DMC1: variants seen among roughly 807,000 people sequenced by gnomAD.
DMC1 encodes the protein DNA meiotic recombinase 1, also known as meiotic recombination protein DMC1 homolog.
In DMC1, 27 loss-of-function variants were observed where a neutral mutation model predicts 50.1. The observed-to-expected ratio is 0.54, with a 90% confidence interval of 0.40 to 0.74. The LOEUF (loss-of-function observed/expected upper bound fraction) is 0.74. Among genes scored for constraint, DMC1 ranks in the 30% least tolerant of loss-of-function variants. DMC1 has a pLI of 0.00. For missense variants in DMC1, 295 were observed against 420.2 expected (o/e 0.70, Z 2.60); for synonymous variants, 148 against 136.1 (o/e 1.09, Z -0.61).
At chr22:38,547,254 C>T (rs577632536) in intron 8 of DMC1, among the ~76,000 whole-genome samples, 4 of 151,978 alleles carry the variant, frequency 2.6e-5, no homozygotes, top group Admixed American at 1.3e-4. Context: ...GAACTCCTGG[C>T]CTCAAGTGAT....
chr22:38,555,115 C>T (rs1405465222), intron 6 of DMC1, among the ~76,000 whole-genome samples: 4 of 151,332 alleles, frequency 2.6e-5, no homozygotes, highest in South Asian at 2.1e-4. Context: ...AATCTATTAT[C>T]TTCTATAGGA....
At chr22:38,513,517 T>G in the DMC1 span, among the ~76,000 whole-genome samples, 1 of 152,230 alleles carries the variant, frequency 6.6e-6, no homozygotes, top group African/African-American at 2.4e-5. Context: ...ATCCTTCTCC[T>G]CACCATGATG....
chr22:38,566,881 A>G, intron 3 of DMC1, 145 bp from the exon 4 acceptor site: 1 of 778,524 alleles, frequency 1.3e-6, no homozygotes, highest in Non-Finnish European at 2.2e-6. Flanking sequence ...CCCACCATGT[A>G]GCCAAATGTT....
intron 9 of DMC1, 59 bp from the exon 10 acceptor site, chr22:38,538,671 C>G (rs1378255807): frequency 7.0e-7 from 1 of 1,418,914 alleles, no homozygotes; most frequent in Non-Finnish European, 1.0e-6. Context: ...AGGCTAAGAT[C>G]ATTCATATTC....
intron 11 of DMC1, among the ~76,000 whole-genome samples, chr22:38,538,084 C>T (rs5995590): frequency 0.029 from 4,462 of 151,870 alleles, 209 homozygotes; most frequent in African/African-American, 0.1. Flanking sequence ...GCGGAGGTTG[C>T]AGTGAGCCGA....
At chr22:38,554,443 G>GAA (rs540883900) in intron 6 of DMC1, among the ~76,000 whole-genome samples, 35 of 51,972 alleles carry the variant, frequency 6.7e-4, no homozygotes, top group Non-Finnish European at 7.2e-4. Context: ...CAAGTCAACA[G>GAA]AAAAAAAAAA....
At chr22:38,566,483 T>A (rs1386973576) in intron 4 of DMC1, 107 bp downstream of exon 4, 54 of 1,217,864 alleles carry the variant, frequency 4.4e-5, no homozygotes, top group Non-Finnish European at 5.8e-5. Context: ...TATACTGTGA[T>A]CTACAGGAAC....
chr22:38,559,925 G>A (rs527399411), intron 5 of DMC1, among the ~76,000 whole-genome samples: 5 of 152,046 alleles, frequency 3.3e-5, no homozygotes, highest in Admixed American at 2.0e-4. Context: ...GGCTGAGGCA[G>A]GTGAATCGCT....
rs75643337 is a variant in DMC1, at chr22:38,530,206, A to G, written c.836+7386T>C. On this transcript the variant is annotated intron_variant, in intron 12 of 13. Coordinates refer to ENST00000216024, the MANE Select transcript of DMC1 (RefSeq NM_007068.4). The stretch of plus-strand genomic sequence containing the variant: ...GGTCTCGAACTCCTGACCTCAGGTG[A>G]TCCACCTGCCTCAGCCTCCCAAAGT... Among the ~76,000 whole-genome samples, 29 of 152,050 alleles carry G rather than the reference A, an allele frequency of 1.9e-4. 1 individual carries two copies. In the East Asian group the frequency reaches 5.6e-3, roughly 29 times the overall value.
At chr22:38,533,946 T>G (rs973410024) in intron 12 of DMC1, among the ~76,000 whole-genome samples, 2 of 152,212 alleles carry the variant, frequency 1.3e-5, no homozygotes, top group African/African-American at 4.8e-5. Context: ...TATGTAGTTT[T>G]CCTGTCAAAA....
chr22:38,544,924 G>A (rs1275253005), intron 8 of DMC1, among the ~76,000 whole-genome samples: 6 of 151,006 alleles, frequency 4.0e-5, no homozygotes, highest in South Asian at 2.1e-4. Context: ...GAGCCACTGC[G>A]CCCGGCAGCA....
chr22:38,539,857 A>G (rs11570423), intron 8 of DMC1, among the ~76,000 whole-genome samples: 5 of 152,186 alleles, frequency 3.3e-5, no homozygotes, highest in Admixed American at 3.3e-4. Context: ...GTAATAGATA[A>G]TATCACTGAA....
At chr22:38,534,707 A>G (rs2090191304) in intron 12 of DMC1, among the ~76,000 whole-genome samples, 2 of 150,732 alleles carry the variant, frequency 1.3e-5, no homozygotes, top group South Asian at 4.2e-4. Context: ...TGTCTCAAAA[A>G]ACAAACAAAC....
At chr22:38,550,213 T>G (rs1602750143) in intron 7 of DMC1, among the ~76,000 whole-genome samples, 1 of 152,208 alleles carries the variant, frequency 6.6e-6, no homozygotes, top group East Asian at 1.9e-4. Flanking sequence ...CAACAAATAA[T>G]TTCACTATCT....
intron 8 of DMC1, among the ~76,000 whole-genome samples, chr22:38,546,401 A>C (rs4820336): frequency 0.057 from 8,671 of 151,810 alleles, 387 homozygotes; most frequent in East Asian, 0.2. Context: ...AAAAAAAAAA[A>C]CTCCAAATTG....
At chr22:38,541,857 C>G (rs895906444) in intron 8 of DMC1, among the ~76,000 whole-genome samples, 1 of 151,904 alleles carries the variant, frequency 6.6e-6, no homozygotes, top group Non-Finnish European at 1.5e-5. Flanking sequence ...ATACATTAAA[C>G]AGATCATTCA....
intron 12 of DMC1, among the ~76,000 whole-genome samples, chr22:38,530,418 A>G (rs2090140932): frequency 6.6e-6 from 1 of 152,150 alleles, no homozygotes; most frequent in Non-Finnish European, 1.5e-5. Flanking sequence ...AATATGCAGA[A>G]AAATATACAC....
intron 12 of DMC1, among the ~76,000 whole-genome samples, chr22:38,530,214 G>A (rs1569155668): frequency 2.0e-5 from 3 of 152,014 alleles, no homozygotes; most frequent in South Asian, 4.2e-4. Flanking sequence ...TGATCCACCT[G>A]CCTCAGCCTC....
chr22:38,545,397 C>A (rs957264359), intron 8 of DMC1, among the ~76,000 whole-genome samples: 5 of 152,070 alleles, frequency 3.3e-5, no homozygotes, highest in Admixed American at 3.3e-4. Context: ...GGCGACAGAG[C>A]GAGACCCTGT....
Sources: gnomAD v4.1 joint callset for allele counts (sites outside exome capture counted in the v4.1 genomes callset) on GRCh38, gnomAD v4.1.1 for gene constraint, MANE v1.5 for transcripts, NCBI Gene and HGNC (gene_info 2026-07-23, HGNC 2026-07-21) for gene names.